The following SCAPER variants were observed in gnomAD, a reference collection of about 807,000 sequenced individuals.
SCAPER encodes the protein S-phase cyclin A associated protein in the ER.
A neutral mutation model predicts 182.2 loss-of-function variants in SCAPER; 98 were observed. The ratio of observed to expected loss-of-function variants is 0.54; its 90% CI spans 0.46 to 0.64. The LOEUF (loss-of-function observed/expected upper bound fraction) is 0.64. SCAPER is among the 30% of genes least tolerant of loss of function. SCAPER has a pLI of 0.00. For synonymous variants in SCAPER, 605 were observed against 564.6 expected, an observed-to-expected ratio of 1.07 and a Z score of -1.01; for missense variants, 1,432 against 1,690.0, an observed-to-expected ratio of 0.85 and a Z score of 2.68.
intron 4 of SCAPER, among the ~76,000 whole-genome samples, chr15:76,849,723 C>A (rs1288224026): frequency 6.6e-6 from 1 of 152,216 alleles, no homozygotes; most frequent in Non-Finnish European, 1.5e-5. Flanking sequence ...CATCCCAAAG[C>A]TTCAACACCA....
chr15:76,720,540 C>G (rs1422965420), intron 17 of SCAPER, among the ~76,000 whole-genome samples: 2 of 152,180 alleles, frequency 1.3e-5, no homozygotes, highest in Non-Finnish European at 2.9e-5. Flanking sequence ...TTTACAGTCC[C>G]ACCAACAGTG....
intron 21 of SCAPER, among the ~76,000 whole-genome samples, chr15:76,637,511 A>G (rs1407528163): frequency 1.3e-5 from 2 of 151,770 alleles, no homozygotes; most frequent in East Asian, 3.9e-4. Context: ...AGCCTGGGCA[A>G]AACAGTGAGA....
intron 15 of SCAPER, among the ~76,000 whole-genome samples, chr15:76,740,175 T>C (rs527657636): frequency 7.0e-4 from 107 of 152,308 alleles, no homozygotes; most frequent in Non-Finnish European, 1.0e-3. Context: ...TCTACTTAAA[T>C]TACTTCTAGA....
At chr15:76,721,254 C>A (rs1029512242) in intron 17 of SCAPER, among the ~76,000 whole-genome samples, 31 of 152,196 alleles carry the variant, frequency 2.0e-4, no homozygotes, top group East Asian at 9.6e-4. Flanking sequence ...GGCATTATTT[C>A]TGAGGGCTCT....
At chr15:76,722,751 T>C (rs2060330619) in intron 17 of SCAPER, among the ~76,000 whole-genome samples, 1 of 152,238 alleles carries the variant, frequency 6.6e-6, no homozygotes, top group African/African-American at 2.4e-5. Flanking sequence ...GTAGTTTGTA[T>C]TTCTGTGGGA....
chr15:76,349,361 A>T (rs2040386536), intron 31 of SCAPER: 1 of 152,216 alleles, frequency 6.6e-6, no homozygotes, highest in Non-Finnish European at 1.5e-5. Flanking sequence ...GTATATCTTT[A>T]AAATTATTCA....
intron 27 of SCAPER, 98 bp from the exon 28 acceptor site, chr15:76,381,713 C>G (rs1397971990): frequency 4.2e-6 from 4 of 961,648 alleles, no homozygotes; most frequent in Non-Finnish European, 6.2e-6. Context: ...CCGTTAAAAA[C>G]AAACCATCTG....
At chr15:76,416,011 T>G (rs2045619117) in intron 26 of SCAPER, among the ~76,000 whole-genome samples, 1 of 152,108 alleles carries the variant, frequency 6.6e-6, no homozygotes, top group South Asian at 2.1e-4. Flanking sequence ...GAAAAAGCAT[T>G]TGCAATATTA....
chr15:76,894,762 A>C (rs2074340206), intron 1 of SCAPER, among the ~76,000 whole-genome samples: 1 of 152,188 alleles, frequency 6.6e-6, no homozygotes, highest in African/African-American at 2.4e-5. Flanking sequence ...GAACAATTAC[A>C]TGCCAACAAA....
At chr15:76,486,417 T>A (rs2051655250) in intron 24 of SCAPER, among the ~76,000 whole-genome samples, 1 of 151,760 alleles carries the variant, frequency 6.6e-6, no homozygotes. Flanking sequence ...CTCAACAGAG[T>A]AAGCAGATGA....
At chr15:76,567,531 T>C (rs1410311950) in intron 23 of SCAPER, 1 of 210,568 alleles carries the variant, frequency 4.7e-6, no homozygotes, top group Non-Finnish European at 9.8e-6. Context: ...TCTAGTTCTT[T>C]GCCAATACTT....
intron 17 of SCAPER, among the ~76,000 whole-genome samples, chr15:76,717,075 A>G (rs2059926675): frequency 2.6e-5 from 4 of 151,320 alleles, no homozygotes; most frequent in African/African-American, 7.3e-5. Context: ...TCAGAGTATC[A>G]TTGGACTTTT....
At chr15:76,706,438 T>C (rs908003622) in intron 17 of SCAPER, among the ~76,000 whole-genome samples, 2 of 152,034 alleles carry the variant, frequency 1.3e-5, no homozygotes, top group Non-Finnish European at 2.9e-5. Context: ...AGGAAACTAA[T>C]AAGCAAGGTG....
intron 22 of SCAPER, among the ~76,000 whole-genome samples, chr15:76,578,496 C>G (rs1838898554): frequency 6.6e-6 from 1 of 152,154 alleles, no homozygotes; most frequent in Non-Finnish European, 1.5e-5. Context: ...CTGCAAGCAG[C>G]TCAGCACAGA....
chr15:76,574,011 TA>T (rs560720287), intron 23 of SCAPER, 146 bp downstream of exon 23: 12,794 of 649,480 alleles, frequency 0.02, 1 homozygote, highest in East Asian at 0.025. Flanking sequence ...AGAACAAAAG[TA>T]AAAAAAAAAA....
intron 25 of SCAPER, chr15:76,470,991 A>T: frequency 3.0e-6 from 1 of 336,944 alleles, no homozygotes; most frequent in East Asian, 6.2e-5. Context: ...ATTATCCATT[A>T]AATATTGGAA....
At chr15:76,451,012 A>C (rs1474624194) in intron 25 of SCAPER, among the ~76,000 whole-genome samples, 2 of 152,224 alleles carry the variant, frequency 1.3e-5, no homozygotes, top group East Asian at 3.8e-4. Context: ...TGCCCCTTTG[A>C]AGTCAATGTT....
chr15:76,431,676 C>CTAAAAAAAAAAAA (rs2046868502), intron 26 of SCAPER, among the ~76,000 whole-genome samples: 1 of 47,128 alleles, frequency 2.1e-5, no homozygotes, highest in African/African-American at 9.8e-5. Flanking sequence ...AAATGATTAG[C>CTAAAAAAAAAAAA]AAAAAAAAAA....
chr15:76,733,100 G>T, intron 16 of SCAPER, 129 bp downstream of exon 16: 1 of 859,760 alleles, frequency 1.2e-6, no homozygotes, highest in Non-Finnish European at 1.8e-6. Context: ...TTATTTCTTT[G>T]TCTTATGTCT....
Sources: gnomAD v4.1 joint callset for allele counts (sites outside exome capture counted in the v4.1 genomes callset) on GRCh38, gnomAD v4.1.1 for gene constraint, MANE v1.5 for transcripts, NCBI Gene and HGNC (gene_info 2026-07-23, HGNC 2026-07-21) for gene names.